The following LRP1B variants were observed in gnomAD, a reference collection of about 807,000 sequenced individuals.
The protein encoded by LRP1B is low-density lipoprotein receptor-related protein 1B.
Under a neutral mutation model 556.6 loss-of-function variants are expected in LRP1B, and 217 were observed. The observed-to-expected ratio is 0.39, with a 90% CI of 0.35 to 0.44. The LOEUF (loss-of-function observed/expected upper bound fraction) is 0.44, where lower values mean the gene tolerates loss of function less well. Among genes scored for constraint, LRP1B ranks in the 20% least tolerant of loss-of-function variants. The probability of loss-of-function intolerance (pLI) is 1.00; values close to 1 mark genes in which losing one functional copy is unlikely to be tolerated. For missense variants in LRP1B, 5,053 were observed against 5,620.8 expected (o/e 0.90, Z 3.23); for synonymous variants, 2,047 against 1,865.8 (o/e 1.10, Z -2.50).
chr2:141,196,906 C>A (rs553642911), intron 6 of LRP1B, among the ~76,000 whole-genome samples: 2 of 152,188 alleles, frequency 1.3e-5, no homozygotes, highest in South Asian at 2.1e-4. Context: ...GCTGTATCCC[C>A]ACCCCACCTT....
intron 1 of LRP1B, among the ~76,000 whole-genome samples, chr2:142,105,878 T>G (rs1471577895): frequency 5.9e-5 from 9 of 152,196 alleles, no homozygotes; most frequent in Admixed American, 5.9e-4. Flanking sequence ...AATGTAAGTC[T>G]AAATTAGATA....
At chr2:140,794,913 G>A (rs571898278) in intron 32 of LRP1B, among the ~76,000 whole-genome samples, 15 of 151,898 alleles carry the variant, frequency 9.9e-5, no homozygotes, top group African/African-American at 2.7e-4. Context: ...GCACCCAGCC[G>A]GCCACTTTCT....
At chr2:140,666,228 C>T (rs931239599) in intron 41 of LRP1B, among the ~76,000 whole-genome samples, 8 of 151,750 alleles carry the variant, frequency 5.3e-5, no homozygotes, top group Non-Finnish European at 8.8e-5. Context: ...TTCCTGACCT[C>T]GTTATCTATC....
intron 68 of LRP1B, among the ~76,000 whole-genome samples, chr2:140,377,829 C>T (rs1312911978): frequency 1.3e-5 from 2 of 152,096 alleles, no homozygotes; most frequent in Non-Finnish European, 2.9e-5. Flanking sequence ...GTTTAAAATG[C>T]ATAAAAATAT....
At chr2:140,553,140 T>C (rs546062359) in intron 43 of LRP1B, among the ~76,000 whole-genome samples, 1 of 152,218 alleles carries the variant, frequency 6.6e-6, no homozygotes, top group South Asian at 2.1e-4. Flanking sequence ...ACAATCATTA[T>C]GAGAAATGAC....
At chr2:140,907,710 T>C (rs1694297431) in intron 22 of LRP1B, among the ~76,000 whole-genome samples, 167 bp downstream of exon 22, 1 of 152,168 alleles carries the variant, frequency 6.6e-6, no homozygotes, top group Admixed American at 6.6e-5. Context: ...TTGAAGACTT[T>C]TACTGTAGCC....
chr2:140,363,550 A>C (rs2105148349), intron 72 of LRP1B, among the ~76,000 whole-genome samples: 1 of 151,752 alleles, frequency 6.6e-6, no homozygotes, highest in South Asian at 2.1e-4. Context: ...ATATTTTATG[A>C]TTCAGAAACA....
chr2:141,819,542 A>G (rs1029986530), intron 1 of LRP1B, among the ~76,000 whole-genome samples: 3 of 152,164 alleles, frequency 2.0e-5, no homozygotes, highest in South Asian at 2.1e-4. Flanking sequence ...GGAAGCTACA[A>G]AAGTTTATCT....
intron 32 of LRP1B, among the ~76,000 whole-genome samples, chr2:140,779,385 A>C (rs1172045706): frequency 6.6e-6 from 1 of 152,254 alleles, no homozygotes; most frequent in Non-Finnish European, 1.5e-5. Context: ...AGAACTCTGT[A>C]GTAAACTATG....
chr2:140,254,722 G>T (rs1266249897), intron 86 of LRP1B, among the ~76,000 whole-genome samples: 1 of 151,826 alleles, frequency 6.6e-6, no homozygotes, highest in Non-Finnish European at 1.5e-5. Flanking sequence ...CCCGGCTGAT[G>T]TTTGTAATTT....
chr2:141,017,022 C>G (rs1342092899), intron 12 of LRP1B, among the ~76,000 whole-genome samples: 1 of 152,066 alleles, frequency 6.6e-6, no homozygotes, highest in Non-Finnish European at 1.5e-5. Flanking sequence ...TTTAAATTCT[C>G]TTAACGGTTT....
At chr2:140,943,321 G>A (rs1573906216) in intron 20 of LRP1B, among the ~76,000 whole-genome samples, 3 of 151,910 alleles carry the variant, frequency 2.0e-5, no homozygotes, top group Admixed American at 2.0e-4. Context: ...CAATAATAGT[G>A]GGGGACTTCA....
intron 1 of LRP1B, among the ~76,000 whole-genome samples, chr2:141,854,333 A>G (rs1697968438): frequency 1.3e-5 from 2 of 152,030 alleles, no homozygotes; most frequent in Non-Finnish European, 2.9e-5. Flanking sequence ...TTGTGTAACA[A>G]AAGCAAGGGG....
chr2:141,385,703 T>A (rs777482738), intron 3 of LRP1B, among the ~76,000 whole-genome samples: 3 of 152,198 alleles, frequency 2.0e-5, no homozygotes, highest in Non-Finnish European at 4.4e-5. Flanking sequence ...GAGGACTCAC[T>A]TCCTATTCCC....
intron 12 of LRP1B, among the ~76,000 whole-genome samples, chr2:141,018,511 G>A (rs944523936): frequency 6.6e-6 from 1 of 151,994 alleles, no homozygotes; most frequent in African/African-American, 2.4e-5. Context: ...ACGTTGAAGA[G>A]GATTTCTAAA....
At chr2:140,516,862 A>G in intron 50 of LRP1B, 27 bp downstream of exon 50, 1 of 1,611,466 alleles carries the variant, frequency 6.2e-7, no homozygotes, top group Non-Finnish European at 8.5e-7. Flanking sequence ...AAGGTTAACA[A>G]AAACTAAGCT....
At chr2:140,993,934 A>G (rs1697164106) in intron 16 of LRP1B, 61 bp downstream of exon 16, 1 of 1,528,212 alleles carries the variant, frequency 6.5e-7, no homozygotes. Context: ...CTGCCTTGAT[A>G]ATTCACACAC....
chr2:141,544,334 C>CT (rs200128756), intron 2 of LRP1B, among the ~76,000 whole-genome samples: 2 of 66,388 alleles, frequency 3.0e-5, no homozygotes, highest in African/African-American at 5.6e-5. Flanking sequence ...TCTTCTTCTT[C>CT]TTCTTCTTCT....
At chr2:140,632,520 TAA>T (rs527673719) in intron 41 of LRP1B, among the ~76,000 whole-genome samples, 35 of 151,716 alleles carry the variant, frequency 2.3e-4, no homozygotes, top group African/African-American at 8.5e-4. Flanking sequence ...ATTGATATGC[TAA>T]AAGAGGAAAA....
Sources: allele counts gnomAD v4.1 joint callset (sites outside exome capture counted in the v4.1 genomes callset), GRCh38; gene constraint gnomAD v4.1.1; transcripts MANE v1.5; gene names NCBI Gene and HGNC (gene_info 2026-07-23, HGNC 2026-07-21).